Variants in RAP2A observed in about 807,000 individuals in gnomAD.
RAP2A encodes the protein RAP2A, member of RAS oncogene family.
In RAP2A, 5 loss-of-function variants were observed where a neutral mutation model predicts 15.1. The observed-to-expected ratio is 0.33, with a 90% CI of 0.17 to 0.70. The LOEUF (loss-of-function observed/expected upper bound fraction) is 0.70, where lower values mean the gene tolerates loss of function less well. Ranked by LOEUF, RAP2A falls within the 30% of genes least tolerant of loss-of-function variation. The pLI, the probability that RAP2A is intolerant of heterozygous loss-of-function variation, is 0.68. For synonymous variants in RAP2A, 110 were observed against 99.7 expected (o/e 1.10, Z -0.62); for missense variants, 111 against 240.3 (o/e 0.46, Z 3.56).
At chr13:97,438,326 C>T (rs1410817989) in intron 1 of RAP2A, among the ~76,000 whole-genome samples, 1 of 152,160 alleles carries the variant, frequency 6.6e-6, no homozygotes, top group Admixed American at 6.5e-5. Flanking sequence ...GCAGCCTCAC[C>T]TCTTGCACCC....
In RAP2A at chr13:97,434,496, T is replaced by G; in HGVS notation, c.26T>G (p.Leu9Arg). The G allele has an allele frequency of 6.2e-7, 1 of 1,610,186 alleles. No homozygotes were observed. The highest frequency in any genetic ancestry group is 2.2e-5 in the East Asian group (1 of 44,664). The change falls in exon 1 of 2, where the codon CTG becomes CGG. Residue 9 changes from leucine to arginine, a missense_variant. Leu to Arg is a moderately radical substitution (Grantham distance 102). Coordinates refer to ENST00000245304, the MANE Select transcript of RAP2A (RefSeq NM_021033.7). ...ATGCGCGAGTACAAAGTGGTGGTGC[T>G]GGGCTCGGGCGGGGTAGGCAAATCC... Reference protein sequence around the residue: MREYKVVVLGSGGVGKSAL... With the variant: MREYKVVVRGSGGVGKSAL...
chr13:97,445,921 T>C (rs1324977933), intron 1 of RAP2A, among the ~76,000 whole-genome samples: 2 of 152,218 alleles, frequency 1.3e-5, no homozygotes, highest in Admixed American at 6.5e-5. Flanking sequence ...GAGCACATCA[T>C]CTGGTTTTAT....
chr13:97,467,481 C>A lies in RAP2A; in HGVS notation c.*3039C>A, dbSNP rs569142255. On this transcript the variant is annotated 3_prime_UTR_variant, in exon 2 of 2. Coordinates refer to ENST00000245304, the MANE Select transcript of RAP2A (RefSeq NM_021033.7). ...TGTTGCCTAAGGCTGTCTGGTATTT[C>A]TTTTCAAGGGTTTTCCAGTATGAAT... The A allele has an allele frequency of 1.3e-5, 2 of 152,600 alleles. No homozygotes were observed. The highest frequency in any genetic ancestry group is 3.9e-4 in the East Asian group (2 of 5,186). The allele number at this position is 152,600 out of a possible 1,614,324, so 9.5% of individuals were successfully genotyped here. A position where few individuals can be genotyped will look rare whatever the true frequency, so the allele number is the denominator to read the frequency against.
In RAP2A at chr13:97,467,767, T is replaced by C. The variant is rs192292479; in HGVS notation, c.*3325T>C. The C allele has an allele frequency of 1.9e-4, 29 of 152,686 alleles. No homozygotes were observed. The East Asian group carries it at 5.2e-3, about 27-fold the overall frequency. The allele number at this position is 152,686 out of a possible 1,614,324, so 9.5% of individuals were successfully genotyped here. A position where few individuals can be genotyped will look rare whatever the true frequency, so the allele number is the denominator to read the frequency against. On this transcript the variant is annotated 3_prime_UTR_variant, in exon 2 of 2. Transcript: ENST00000245304. ...CTGCAGTGGGTTTTGGAAACAGACT[T>C]ATCATTATTGATTTGAGGTTTCCCA...
chr13:97,438,854 G>GA (rs1245744913), intron 1 of RAP2A, among the ~76,000 whole-genome samples: 18 of 152,250 alleles, frequency 1.2e-4, no homozygotes, highest in African/African-American at 4.1e-4. Context: ...AAAAAATGTT[G>GA]AAAAAATGAA....
At chr13:97,456,939 T>C (rs867076285) in intron 1 of RAP2A, among the ~76,000 whole-genome samples, 1 of 152,162 alleles carries the variant, frequency 6.6e-6, no homozygotes, top group African/African-American at 2.4e-5. Flanking sequence ...ACAAGCAGTA[T>C]TGATGTTTCA....
At chr13:97,464,152 TA>T in intron 1 of RAP2A, 52 bp from the exon 2 acceptor site, 1 of 1,572,468 alleles carries the variant, frequency 6.4e-7, no homozygotes, top group Non-Finnish European at 8.7e-7. Context: ...GTGACCTGTT[TA>T]ACTTTGTGCT....
At chr13:97,441,413 CTA>C (rs965814132) in intron 1 of RAP2A, among the ~76,000 whole-genome samples, 2 of 152,062 alleles carry the variant, frequency 1.3e-5, no homozygotes, top group African/African-American at 2.4e-5. Context: ...AAGTTGGAAT[CTA>C]TTTGCTAAAG....
intron 1 of RAP2A, among the ~76,000 whole-genome samples, chr13:97,455,121 C>G (rs997675878): frequency 2.0e-5 from 3 of 151,140 alleles, no homozygotes; most frequent in Non-Finnish European, 4.4e-5. Context: ...AATCTTTTTT[C>G]TCTCATTTAT....
chr13:97,446,245 T>G (rs2066678963), intron 1 of RAP2A, among the ~76,000 whole-genome samples: 1 of 152,208 alleles, frequency 6.6e-6, no homozygotes, highest in African/African-American at 2.4e-5. Flanking sequence ...ATGGTCACTA[T>G]AGACTGTTAC....
intron 1 of RAP2A, among the ~76,000 whole-genome samples, chr13:97,462,054 T>A (rs905762643): frequency 1.4e-5 from 2 of 145,190 alleles, no homozygotes; most frequent in East Asian, 3.9e-4. Flanking sequence ...ATATATATAT[T>A]TATATATATA....
intron 1 of RAP2A, among the ~76,000 whole-genome samples, chr13:97,449,463 C>G (rs1423847647): frequency 1.3e-5 from 2 of 152,172 alleles, no homozygotes; most frequent in Non-Finnish European, 2.9e-5. Flanking sequence ...TCCCTGTAAT[C>G]ACTACTGGAC....
chr13:97,434,683 C>T lies in RAP2A; in HGVS notation c.213C>T (p.Tyr71=), dbSNP rs761491254. The part of the protein sequence containing the change: ...TEQFASMRDL[Y]IKNGQGFILV... Reference sequence around the variant, plus strand: ...AGTTCGCGTCCATGCGGGACCTGTACATCAAGAACGGCCAGGGCTTCATCC... The same window carrying T: ...AGTTCGCGTCCATGCGGGACCTGTATATCAAGAACGGCCAGGGCTTCATCC... The change falls in exon 1 of 2, where the codon TAC becomes TAT. Residue 71 remains tyrosine, a synonymous_variant. Transcript: ENST00000245304. 3 of 1,614,166 alleles carry T rather than the reference C, an allele frequency of 1.9e-6. No individual in the cohort carries two copies. The highest frequency in any genetic ancestry group is 1.1e-5 in the South Asian group (1 of 91,080).
intron 1 of RAP2A, among the ~76,000 whole-genome samples, chr13:97,444,862 C>T (rs1354033084): frequency 6.6e-6 from 1 of 152,108 alleles, no homozygotes; most frequent in Non-Finnish European, 1.5e-5. Flanking sequence ...TTGTATATGT[C>T]TTAGTCTCTT....
chr13:97,455,513 T>C (rs2066719206), intron 1 of RAP2A, among the ~76,000 whole-genome samples: 1 of 151,482 alleles, frequency 6.6e-6, no homozygotes, highest in South Asian at 2.1e-4. Context: ...AGAATGTAGA[T>C]TTCTTTTTTC....
intron 1 of RAP2A, among the ~76,000 whole-genome samples, chr13:97,447,210 CTG>C (rs2066683580): frequency 6.6e-6 from 1 of 152,202 alleles, no homozygotes; most frequent in African/African-American, 2.4e-5. Context: ...GCATGATTAA[CTG>C]TACTTTGAAG....
chr13:97,461,734 C>T (rs2066746671), intron 1 of RAP2A, among the ~76,000 whole-genome samples: 1 of 151,830 alleles, frequency 6.6e-6, no homozygotes, highest in Non-Finnish European at 1.5e-5. Context: ...GAGGCTGAGG[C>T]GGGCGGATCA....
rs779061155 is a variant in RAP2A, at chr13:97,464,235, G to T, written c.345G>T (p.Gly115=). The T allele has an allele frequency of 1.2e-6, 2 of 1,614,182 alleles. No individual in the cohort carries two copies. Among genetic ancestry groups the T allele is most frequent in the South Asian group, 2.2e-5 (2 of 91,084 alleles). ...AGAAAGTGCCAGTCATCTTGGTTGG[G>T]AACAAAGTGGACCTGGAAAGTGAGA... ...RYEKVPVILV[G]NKVDLESERE... is the part of the protein sequence containing the mutation. Residue 115 remains glycine, a synonymous_variant, in exon 2 of 2, where the codon GGG becomes GGT. Transcript: ENST00000245304.
chr13:97,435,490 C>CCACCA (rs2066630145), intron 1 of RAP2A, among the ~76,000 whole-genome samples: 1 of 133,520 alleles, frequency 7.5e-6, no homozygotes. Flanking sequence ...AAAAAAAACA[C>CCACCA]CACCACACCA....
Sources: allele counts gnomAD v4.1 joint callset (sites outside exome capture counted in the v4.1 genomes callset), GRCh38; gene constraint gnomAD v4.1.1; transcripts MANE v1.5; gene names NCBI Gene and HGNC (gene_info 2026-07-23, HGNC 2026-07-21).